Variants in MSN observed in about 807,000 individuals in gnomAD.
The protein encoded by MSN is moesin.
A neutral mutation model predicts 48.0 loss-of-function variants in MSN; 2 were observed. The ratio of observed to expected loss-of-function variants is 0.04; its 90% CI spans 0.02 to 0.13. The LOEUF (loss-of-function observed/expected upper bound fraction) is 0.13, where lower values mean the gene tolerates loss of function less well. Among genes scored for constraint, MSN ranks in the 10% least tolerant of loss-of-function variants. The pLI, the probability that MSN is intolerant of heterozygous loss-of-function variation, is 1.00. For missense variants in MSN, 267 were observed against 470.1 expected, an observed-to-expected ratio of 0.57 and a Z score of 3.99; for synonymous variants, 146 against 166.9, an observed-to-expected ratio of 0.87 and a Z score of 0.97.
At chrX:65,697,495 G>C (rs1042922957) in intron 1 of MSN, among the ~76,000 whole-genome samples, 1 of 111,755 alleles carries the variant, frequency 8.9e-6, no homozygotes, top group Non-Finnish European at 1.9e-5. Context: ...GGTAGGTTCA[G>C]GCTGTGGTTC....
At chrX:65,676,822 TTTTTC>T (rs1431921649) in intron 1 of MSN, among the ~76,000 whole-genome samples, 2 of 110,654 alleles carry the variant, frequency 1.8e-5, no homozygotes, top group Non-Finnish European at 3.8e-5. Context: ...CATTTCCTTT[TTTTTC>T]TTTTCTTTTT....
intron 1 of MSN, among the ~76,000 whole-genome samples, chrX:65,641,980 C>CAA (rs1422113442): frequency 9.3e-6 from 1 of 107,342 alleles, no homozygotes; most frequent in African/African-American, 3.4e-5. Flanking sequence ...ACCAAAAATA[C>CAA]AAAATTAGCT....
rs111720807 is a variant in MSN at position 65,696,225 on chromosome X, T to TCACACACACACACA, written c.13-20579_13-20566dup. On this transcript the variant is annotated intron_variant, in intron 1 of 12. Coordinates refer to ENST00000360270, the MANE Select transcript of MSN (RefSeq NM_002444.3). ...AAAATGCCCTCACGTGCTTGCTCAT[T>TCACACACACACACA]CACACACACACACACACACACACAC... Among the ~76,000 whole-genome samples, 595 of 102,255 alleles carry TCACACACACACACA rather than the reference T, an allele frequency of 5.8e-3. 7 individuals are homozygous for TCACACACACACACA. Among genetic ancestry groups the TCACACACACACACA allele is most frequent in the African/African-American group, 0.021 (556 of 26,761 alleles). The allele number at this position is 102,255 out of a possible 115,157, so 88.8% of individuals were successfully genotyped here.
At chrX:65,653,267 C>T (rs2070755224) in intron 1 of MSN, among the ~76,000 whole-genome samples, 2 of 111,141 alleles carry the variant, frequency 1.8e-5, no homozygotes, top group Admixed American at 1.9e-4. Flanking sequence ...TTTGAAGGGG[C>T]ACTTCAAACC....
At chrX:65,621,358 A>G (rs1189473691) in intron 1 of MSN, among the ~76,000 whole-genome samples, 2 of 112,196 alleles carry the variant, frequency 1.8e-5, no homozygotes, top group Admixed American at 1.9e-4. Flanking sequence ...CATATGTTGG[A>G]AAGGCTATTC....
intron 1 of MSN, among the ~76,000 whole-genome samples, chrX:65,637,537 C>T (rs745508260): frequency 9.0e-6 from 1 of 111,505 alleles, no homozygotes; most frequent in Non-Finnish European, 1.9e-5. Flanking sequence ...CCCCAACCCC[C>T]ACCCCACAGT....
intron 1 of MSN, among the ~76,000 whole-genome samples, chrX:65,669,375 A>G (rs758213376): frequency 2.7e-5 from 3 of 111,232 alleles, no homozygotes; most frequent in South Asian, 7.8e-4. Flanking sequence ...ATCTCTGGGA[A>G]TAGACATTGC....
chrX:65,674,228 G>A (rs770650603), intron 1 of MSN, among the ~76,000 whole-genome samples: 17 of 111,729 alleles, frequency 1.5e-4, no homozygotes, highest in Non-Finnish European at 3.0e-4. Context: ...GCTGTCCTAA[G>A]AAACTTTAGA....
At chrX:65,700,047 G>A (rs188746703) in intron 1 of MSN, among the ~76,000 whole-genome samples, 36 of 111,839 alleles carry the variant, frequency 3.2e-4, no homozygotes, top group Non-Finnish European at 5.8e-4. Flanking sequence ...AGCACTGTGC[G>A]CATGGGGCTA....
chrX:65,641,299 G>A (rs1164898277), intron 1 of MSN, among the ~76,000 whole-genome samples: 1 of 107,053 alleles, frequency 9.3e-6, no homozygotes, highest in Non-Finnish European at 1.9e-5. Context: ...GGAGGCCAAG[G>A]CAGGCAGATC....
chrX:65,671,579 T>TG (rs986315272), intron 1 of MSN, among the ~76,000 whole-genome samples: 1 of 111,421 alleles, frequency 9.0e-6, no homozygotes, highest in Non-Finnish European at 1.9e-5. Flanking sequence ...CAGACTTAAG[T>TG]GGGGGGAAAA....
chrX:65,726,259 C>T (rs774103468), intron 2 of MSN, among the ~76,000 whole-genome samples: 15 of 111,458 alleles, frequency 1.3e-4, no homozygotes, highest in African/African-American at 4.6e-4. Flanking sequence ...GCTCAGGAGT[C>T]GTAAGCTCAT....
intron 1 of MSN, among the ~76,000 whole-genome samples, chrX:65,622,510 G>GTC (rs2070458235): frequency 3.0e-5 from 2 of 66,476 alleles, no homozygotes; most frequent in African/African-American, 9.5e-5. Context: ...AGGCATCTTT[G>GTC]TTTTTTTTTT....
In MSN at chrX:65,630,436, G is replaced by A. The variant is rs1001774755; in HGVS notation, c.-22+41824G>A. On this transcript the variant is annotated intron_variant, in intron 1 of 3. Coordinates refer to the MSN transcript ENST00000609672. ...AATAAAATAAAACAAAAAAGAAAAT[G>A]CTAGCTGGGTATGGTGGTATGTACC... Among the ~76,000 whole-genome samples, 10 of 110,139 alleles carry A rather than the reference G, an allele frequency of 9.1e-5. No homozygotes were observed. The Admixed American group carries it at 9.7e-4, about 11-fold the overall frequency.
chrX:65,697,466 G>T (rs1365926360), intron 1 of MSN, among the ~76,000 whole-genome samples: 1 of 111,807 alleles, frequency 8.9e-6, no homozygotes, highest in Admixed American at 9.5e-5. Flanking sequence ...AGAGAGGAGA[G>T]AAGGAAGTTT....
chrX:65,592,914 G>A (rs772304527), intron 1 of MSN, among the ~76,000 whole-genome samples: 9 of 110,032 alleles, frequency 8.2e-5, no homozygotes, highest in African/African-American at 2.0e-4. Flanking sequence ...GATGGTGCAC[G>A]CCTGTAATCC....
intron 1 of MSN, among the ~76,000 whole-genome samples, chrX:65,623,592 C>G (rs1043356617): frequency 1.8e-5 from 2 of 109,704 alleles, no homozygotes; most frequent in Admixed American, 9.7e-5. Context: ...GGGCGGATCA[C>G]CCGAGGTCAG....
chrX:65,644,419 T>A (rs1417704081), intron 1 of MSN, among the ~76,000 whole-genome samples: 1 of 111,756 alleles, frequency 8.9e-6, no homozygotes, highest in East Asian at 2.8e-4. Context: ...AGTTTATTAG[T>A]GGCAGAGCTG....
At chrX:65,637,944 A>G (rs1181448977) in intron 1 of MSN, among the ~76,000 whole-genome samples, 2 of 111,873 alleles carry the variant, frequency 1.8e-5, no homozygotes, top group Non-Finnish European at 3.8e-5. Context: ...AACATACTAT[A>G]CATTAGACTG....
Sources: allele counts gnomAD v4.1 joint callset (sites outside exome capture counted in the v4.1 genomes callset), GRCh38; gene constraint gnomAD v4.1.1; transcripts MANE v1.5; gene names NCBI Gene and HGNC (gene_info 2026-07-23, HGNC 2026-07-21).